The following ABCF2 variants were observed in gnomAD, a reference collection of about 807,000 sequenced individuals.
The protein encoded by ABCF2 is ATP-binding cassette sub-family F member 2.
Under a neutral mutation model 76.9 loss-of-function variants are expected in ABCF2, and 37 were observed. The observed-to-expected ratio is 0.48, with a 90% CI of 0.37 to 0.63. The LOEUF (loss-of-function observed/expected upper bound fraction) is 0.63. Among genes scored for constraint, ABCF2 ranks in the 30% least tolerant of loss-of-function variants. The pLI is 0.00. For synonymous variants in ABCF2, 299 were observed against 283.7 expected, an observed-to-expected ratio of 1.05 and a Z score of -0.54; for missense variants, 524 against 782.1, an observed-to-expected ratio of 0.67 and a Z score of 3.94.
intron 2 of ABCF2, 33 bp from the exon 3 acceptor site, chr7:151,225,021 G>A (rs1218685785): frequency 7.5e-6 from 12 of 1,594,268 alleles, no homozygotes; most frequent in Middle Eastern, 4.0e-4. Context: ...GGAAGATGGC[G>A]TGAGACAGAC....
Position 151,215,142 on chromosome 7 carries a change from A to C in ABCF2, c.1531-60T>G. ...TTATCCCCGCCAAACAGCACAGCTC[A>C]TCTCTCCCTCATTTCTCCCTGACTC... On this transcript the variant is annotated intron_variant, in intron 13 of 14. Transcript: ENST00000287844. This position sits in a 1 kb window ranked among gnomAD's most constrained non-coding sequence, Gnocchi z 4.6. 29 of 1,464,084 alleles carry C rather than the reference A, an allele frequency of 2.0e-5. No homozygotes were observed. Among genetic ancestry groups the C allele is most frequent in the Non-Finnish European group, 2.7e-5 (29 of 1,064,086 alleles). The allele number at this position is 1,464,084 out of a possible 1,614,324, so 90.7% of individuals were successfully genotyped here.
At position 151,223,950 on chromosome 7, in the gene ABCF2, G is replaced by T. The variant is rs150765756; in HGVS notation, c.532C>A (p.Arg178=). The T allele has an allele frequency of 6.2e-7, 1 of 1,613,234 alleles. No homozygotes were observed. ...ERAMLEKEAE[R]LAHEDAECEK... ...GCCCTACCATCCTCATGAGCCAGCC[G>T]CTCTGCCTCTTTCTCCAGCATGGCC... is the stretch of plus-strand genomic sequence containing the variant. Residue 178 remains arginine, a synonymous_variant, in exon 4 of 15, where the codon CGG becomes AGG. Coordinates refer to ENST00000287844, the MANE Select transcript of ABCF2 (RefSeq NM_007189.3).
chr7:151,220,330 A>T (rs575154307), intron 7 of ABCF2, among the ~76,000 whole-genome samples: 1 of 145,860 alleles, frequency 6.9e-6, no homozygotes. Flanking sequence ...TGGAGGTTGC[A>T]GTGAGCCCAG....
chr7:151,224,238 C>T, intron 3 of ABCF2, 124 bp from the exon 4 acceptor site: 1 of 889,942 alleles, frequency 1.1e-6, no homozygotes, highest in Non-Finnish European at 1.7e-6. Flanking sequence ...ACCTTTCTTC[C>T]CTTCATTCGT....
At position 151,211,528 on chromosome 7, in the gene ABCF2, A is replaced by C. The variant is rs17173732; in HGVS notation, c.*2526T>G. The C allele has an allele frequency of 0.019, 18,290 of 984,928 alleles. 168 individuals carry two copies. The highest frequency in any genetic ancestry group is 0.02 in the Non-Finnish European group (16,918 of 829,450). The allele number at this position is 984,928 out of a possible 1,614,324, so 61.0% of individuals were successfully genotyped here. On this transcript the variant is annotated 3_prime_UTR_variant, in exon 15 of 15. Transcript: ENST00000287844. ...TTTGTGGACTTTTAAAGCATTATTT[A>C]AATTACCAAGGTTGACATTTTTCTT...
In ABCF2 at chr7:151,213,250, G is replaced by A. The variant is rs897390097; in HGVS notation, c.*804C>T. The stretch of plus-strand genomic sequence containing the variant: ...CCCCAAAACCTATTGAACCAGAAAC[G>A]CTGAGGCGAGATCTGGCAATCTGAT... On this transcript the variant is annotated 3_prime_UTR_variant, in exon 15 of 15. Coordinates refer to ENST00000287844, the MANE Select transcript of ABCF2 (RefSeq NM_007189.3). 6 of 973,886 alleles carry A rather than the reference G, an allele frequency of 6.2e-6. No individual in the cohort carries two copies. In the African/African-American group the frequency reaches 7.0e-5, roughly 11 times the overall value. 60.3% of individuals were successfully genotyped at this position (973,886 alleles called of 1,614,324 possible).
Position 151,212,592 on chromosome 7 carries a change from G to C in ABCF2, c.*1462C>G. On this transcript the variant is annotated 3_prime_UTR_variant, in exon 15 of 15. Coordinates refer to ENST00000287844, the MANE Select transcript of ABCF2 (RefSeq NM_007189.3). ...GCTCACTGCAGCCTCAACCTCCTGG[G>C]CTCAAGTGAGCCTCCTCTTATCAGA... 1.5e-6 allele frequency: 1 copy of C among 664,378 alleles called. No homozygotes were observed. Among genetic ancestry groups the C allele is most frequent in the Non-Finnish European group, 1.9e-6 (1 of 537,056 alleles). The allele number at this position is 664,378 out of a possible 1,614,324, so 41.2% of individuals were successfully genotyped here. A position where few individuals can be genotyped will look rare whatever the true frequency, so the allele number is the denominator to read the frequency against.
At position 151,215,225 on chromosome 7, in the gene ABCF2, G is replaced by A; in HGVS notation, c.1531-143C>T. ...GCTCAGAGAGACCCACTAGTCTCTT[G>A]AGGCCTGAAAGAGACTCATCCGGAA... On this transcript the variant is annotated intron_variant, in intron 13 of 14. Transcript: ENST00000287844. This position sits in a 1 kb window ranked among gnomAD's most constrained non-coding sequence, Gnocchi z 4.6. 1 of 834,132 alleles carries A rather than the reference G, an allele frequency of 1.2e-6. No individual in the cohort carries two copies. Among genetic ancestry groups the A allele is most frequent in the Non-Finnish European group, 1.9e-6 (1 of 530,222 alleles). 51.7% of individuals were successfully genotyped at this position (834,132 alleles called of 1,614,324 possible).
rs997092582 is a variant in ABCF2 at position 151,221,604 on chromosome 7, G to A, written c.895C>T (p.His299Tyr). The A allele has an allele frequency of 2.5e-6, 4 of 1,605,364 alleles. No homozygotes were observed. Among genetic ancestry groups the A allele is most frequent in the Non-Finnish European group, 3.4e-6 (4 of 1,172,434 alleles). ...NGVCTNIIHM[H>Y]NKKLKYYTGN... ...GTATAATACTTCAGTTTCTTGTTGT[G>A]CATGTGAATGATATTGGTACAGACA... is the stretch of plus-strand genomic sequence containing the variant. The change falls in exon 7 of 15, where the codon CAC (histidine) becomes TAC (tyrosine). Residue 299 changes from histidine (H) to tyrosine (Y), a missense_variant. His to Tyr is a moderately conservative substitution (Grantham distance 83). Transcript: ENST00000287844.
At position 151,214,882 on chromosome 7, in the gene ABCF2, C is replaced by A; in HGVS notation, c.1731G>T (p.Gln577His). ...MLVSHDFRLI[Q>H]QVAQEIWVCE... ...CACCCCCTGGCCAGGGCCTCACCTG[C>A]TGAATGAGTCTGAAGTCATGGCTGA... is the stretch of plus-strand genomic sequence containing the variant. Residue 577 changes from glutamine (Q) to histidine (H), a missense_variant, in exon 14 of 15, where the codon CAG becomes CAT. Around this residue, in one of 2 missense-constraint regions of ABCF2, gnomAD observed 194 missense variants for 348.6 expected, o/e 0.56. Coordinates refer to ENST00000287844, the MANE Select transcript of ABCF2 (RefSeq NM_007189.3). This position sits in a 1 kb window ranked among gnomAD's most constrained non-coding sequence, Gnocchi z 4.9. 6.2e-7 allele frequency: 1 copy of A among 1,614,206 alleles called. No homozygotes were observed. Among genetic ancestry groups the A allele is most frequent in the Non-Finnish European group, 8.5e-7 (1 of 1,180,030 alleles).
At chr7:151,226,228 C>A in intron 2 of ABCF2, 77 bp downstream of exon 2, 1 of 1,496,946 alleles carries the variant, frequency 6.7e-7, no homozygotes, top group Non-Finnish European at 9.1e-7. Context: ...CTACCCCCAG[C>A]ATCAAGATTC....
At position 151,212,971 on chromosome 7, in the gene ABCF2, C is replaced by G. The variant is rs1802077715; in HGVS notation, c.*1083G>C. ...ATAAAGACGGGTTTTGCCATGTTTC[C>G]CAAGCTGGTCTTGAACTCCTGAGCT... On this transcript the variant is annotated 3_prime_UTR_variant, in exon 15 of 15. Coordinates refer to ENST00000287844, the MANE Select transcript of ABCF2 (RefSeq NM_007189.3). 1 of 686,328 alleles carries G rather than the reference C, an allele frequency of 1.5e-6. No individual in the cohort carries two copies. The highest frequency in any genetic ancestry group is 1.8e-6 in the Non-Finnish European group (1 of 557,100). The allele number at this position is 686,328 out of a possible 1,614,324, so 42.5% of individuals were successfully genotyped here.
rs75692652 is a variant in ABCF2, at chr7:151,216,311, C to T, written c.1339-282G>A. On this transcript the variant is annotated intron_variant, in intron 11 of 14. Transcript: ENST00000287844. ...ACAAAGGACTTGGATGTAGGTGCAA[C>T]ATACATTTTCTAAAATTAAAAACAG... is the stretch of plus-strand genomic sequence containing the variant. Among the ~76,000 whole-genome samples, 1,291 of 152,292 alleles carry T rather than the reference C, an allele frequency of 8.5e-3. 13 individuals carry two copies. The highest frequency in any genetic ancestry group is 0.029 in the African/African-American group (1,225 of 41,544).
At chr7:151,219,369 A>AG (rs2150574232) in intron 7 of ABCF2, among the ~76,000 whole-genome samples, 1 of 152,338 alleles carries the variant, frequency 6.6e-6, no homozygotes, top group Admixed American at 6.5e-5. Context: ...CAGCCCAGCC[A>AG]GGGCCAGGCT....
At chr7:151,223,559 G>A in intron 5 of ABCF2, 119 bp downstream of exon 5, 3 of 1,185,138 alleles carry the variant, frequency 2.5e-6, no homozygotes, top group Non-Finnish European at 3.5e-6. Flanking sequence ...CACTGCAGAT[G>A]TCCATGTCTC....
chr7:151,214,950 G>A lies in ABCF2; in HGVS notation c.1663C>T (p.Leu555=). 1 of 1,614,204 alleles carries A rather than the reference G, an allele frequency of 6.2e-7. No individual in the cohort carries two copies. Among genetic ancestry groups the A allele is most frequent in the South Asian group, 1.1e-5 (1 of 91,082 alleles). ...NHLDIETIDA[L]ADAINEFEGG... is the part of the protein sequence containing the mutation. ...TCAAACTCATTGATGGCATCTGCCAGGGCGTCGATGGTCTCGATATCCAGG... is the reference window on the plus strand; with the variant it reads ...TCAAACTCATTGATGGCATCTGCCAAGGCGTCGATGGTCTCGATATCCAGG... The change falls in exon 14 of 15, where the codon CTG becomes TTG. Residue 555 remains leucine (L), a synonymous_variant. Transcript: ENST00000287844. The surrounding 1 kb of genome is among the most constrained non-coding windows in gnomAD (Gnocchi z 4.9).
intron 1 of ABCF2, 67 bp from the exon 2 acceptor site, chr7:151,226,567 C>T: frequency 8.5e-7 from 1 of 1,175,000 alleles, no homozygotes; most frequent in Non-Finnish European, 1.2e-6. Context: ...GGCCCTGCTC[C>T]ATCCCTCTCA....
At chr7:151,224,221 T>C in intron 3 of ABCF2, 107 bp from the exon 4 acceptor site, 1 of 1,078,526 alleles carries the variant, frequency 9.3e-7, no homozygotes, top group Non-Finnish European at 1.3e-6. Flanking sequence ...TTTTTTTTTT[T>C]TTGAGGACCT....
In ABCF2 at chr7:151,214,975, G is replaced by A; in HGVS notation, c.1638C>T (p.His546=). 1.2e-6 allele frequency: 2 copies of A among 1,614,218 alleles called. No homozygotes were observed. The highest frequency in any genetic ancestry group is 1.7e-6 in the Non-Finnish European group (2 of 1,180,038). Residue 546 remains histidine (H), a synonymous_variant, in exon 14 of 15, where the codon CAC becomes CAT. Coordinates refer to ENST00000287844, the MANE Select transcript of ABCF2 (RefSeq NM_007189.3). The surrounding 1 kb of genome is among the most constrained non-coding windows in gnomAD (Gnocchi z 4.9). ...GGGCGTCGATGGTCTCGATATCCAG[G>A]TGATTGGTGGGTTCATCCAGGAAGA... ...HMLFLDEPTN[H]LDIETIDALA...
Sources: gnomAD v4.1 joint callset for allele counts (sites outside exome capture counted in the v4.1 genomes callset) on GRCh38, gnomAD v4.1.1 for gene constraint, gnomAD v4.1.1 regional missense constraint, Gnocchi (gnomAD v3.1) non-coding constraint, MANE v1.5 for transcripts, NCBI Gene and HGNC (gene_info 2026-07-23, HGNC 2026-07-21) for gene names.